SLF1: variants seen among roughly 807,000 people sequenced by gnomAD.
The protein encoded by SLF1 is SMC5/6 complex localization factor 1.
In SLF1, 105 loss-of-function variants were observed where a neutral mutation model predicts 123.0. The observed-to-expected ratio is 0.85, with a 90% CI of 0.73 to 1.00. The LOEUF (loss-of-function observed/expected upper bound fraction) is 1.00. Among genes scored for constraint, SLF1 ranks in the 50% least tolerant of loss-of-function variants. SLF1 has a pLI of 0.00. For missense variants in SLF1, 1,239 were observed against 1,223.0 expected (o/e 1.01, Z -0.20); for synonymous variants, 434 against 406.6 (o/e 1.07, Z -0.81).
At chr5:94,633,146 C>T (rs933944032) in intron 4 of SLF1, among the ~76,000 whole-genome samples, 1 of 152,016 alleles carries the variant, frequency 6.6e-6, no homozygotes, top group Non-Finnish European at 1.5e-5. Flanking sequence ...TGCCATCACA[C>T]CCGGCTAATT....
rs774967833 is a variant in SLF1 at position 94,630,702 on chromosome 5, C to T, written c.390C>T (p.Val130=). Residue 130 remains valine, a synonymous_variant, in exon 4 of 21, where the codon GTC becomes GTT. Transcript: ENST00000265140. The part of the protein sequence containing the change: ...APGAFHRWKV[V]LLVRTDKRSD... ...GAGCCTTCCACAGATGGAAAGTTGT[C>T]CTCCTTGTTAGAACTGATAAGCGAA... 6.4e-7 allele frequency: 1 copy of T among 1,551,652 alleles called. No homozygotes were observed. The highest frequency in any genetic ancestry group is 8.7e-7 in the Non-Finnish European group (1 of 1,146,952).
At chr5:94,655,730 T>C (rs552641591) in intron 9 of SLF1, among the ~76,000 whole-genome samples, 1 of 152,242 alleles carries the variant, frequency 6.6e-6, no homozygotes, top group East Asian at 1.9e-4. Flanking sequence ...GGATTGCTTC[T>C]GTGATTGATT....
At chr5:94,648,577 G>A (rs1458710160) in intron 5 of SLF1, among the ~76,000 whole-genome samples, 2 of 152,190 alleles carry the variant, frequency 1.3e-5, no homozygotes, top group Non-Finnish European at 2.9e-5. Flanking sequence ...CGCCTCCCAA[G>A]TTCAAGCAAT....
intron 1 of SLF1, among the ~76,000 whole-genome samples, chr5:94,627,020 C>T (rs1349147055): frequency 6.6e-6 from 1 of 152,140 alleles, no homozygotes; most frequent in Non-Finnish European, 1.5e-5. Context: ...TCAATTTTTA[C>T]TCTTAAATGA....
At chr5:94,643,237 T>G in intron 4 of SLF1, 36 bp from the exon 5 acceptor site, 2 of 1,421,838 alleles carry the variant, frequency 1.4e-6, no homozygotes, top group Non-Finnish European at 1.9e-6. Flanking sequence ...AACTCAAATT[T>G]TCTAATACTT....
chr5:94,680,467 A>G (rs1751638102), intron 15 of SLF1, among the ~76,000 whole-genome samples: 1 of 151,998 alleles, frequency 6.6e-6, no homozygotes, highest in African/African-American at 2.4e-5. Context: ...AGTGGTTTTT[A>G]TCCTTTTCAG....
At chr5:94,663,058 T>A (rs1315619928) in intron 10 of SLF1, among the ~76,000 whole-genome samples, 1 of 152,228 alleles carries the variant, frequency 6.6e-6, no homozygotes, top group Non-Finnish European at 1.5e-5. Flanking sequence ...TTAACATTTT[T>A]AAGATATTTT....
chr5:94,663,149 C>T (rs1323468603), intron 10 of SLF1, among the ~76,000 whole-genome samples: 1 of 152,156 alleles, frequency 6.6e-6, no homozygotes, highest in Non-Finnish European at 1.5e-5. Flanking sequence ...AGCTCTTTCT[C>T]TTTTTTATCA....
intron 16 of SLF1, 52 bp downstream of exon 16, chr5:94,686,770 A>C: frequency 6.6e-7 from 1 of 1,525,654 alleles, no homozygotes; most frequent in Non-Finnish European, 8.9e-7. Flanking sequence ...TGAGTTCACA[A>C]ACTCAATTTT....
At chr5:94,644,917 A>G (rs1746845364) in intron 5 of SLF1, among the ~76,000 whole-genome samples, 1 of 152,196 alleles carries the variant, frequency 6.6e-6, no homozygotes, top group Non-Finnish European at 1.5e-5. Context: ...TTCTCAATCA[A>G]TATTTGTTAA....
intron 9 of SLF1, among the ~76,000 whole-genome samples, chr5:94,659,854 G>A (rs1364393107): frequency 1.3e-5 from 2 of 152,140 alleles, no homozygotes; most frequent in Non-Finnish European, 2.9e-5. Context: ...GGATGAGTGG[G>A]TCCTCAGGTC....
chr5:94,650,082 T>C (rs747540719), intron 6 of SLF1, among the ~76,000 whole-genome samples: 18 of 152,080 alleles, frequency 1.2e-4, no homozygotes, highest in Non-Finnish European at 1.3e-4. Flanking sequence ...AGAAAGCACA[T>C]ATGGTATGGT....
rs1341708053 is a variant in SLF1, at chr5:94,670,417, A to G, written c.1661+138A>G. ...TTTAAGATAGATTTGTTTTTAAAAC[A>G]TATTTCCAGATATTCTCAGTGGGAG... On this transcript the variant is annotated intron_variant, in intron 13 of 20. Coordinates refer to ENST00000265140, the MANE Select transcript of SLF1 (RefSeq NM_032290.4). 3 of 811,778 alleles carry G rather than the reference A, an allele frequency of 3.7e-6. No homozygotes were observed. In the African/African-American group the frequency reaches 5.5e-5, roughly 15 times the overall value. The allele number at this position is 811,778 out of a possible 1,614,324, so 50.3% of individuals were successfully genotyped here.
At chr5:94,646,256 T>G (rs961328332) in intron 5 of SLF1, among the ~76,000 whole-genome samples, 1 of 152,158 alleles carries the variant, frequency 6.6e-6, no homozygotes, top group Non-Finnish European at 1.5e-5. Flanking sequence ...CCCCTTTTTT[T>G]TAAGGTAACA....
intron 19 of SLF1, 146 bp downstream of exon 19, chr5:94,691,802 A>T (rs1753077495): frequency 2.9e-6 from 2 of 692,898 alleles, no homozygotes; most frequent in Non-Finnish European, 4.4e-6. Context: ...AAAGCCAAGA[A>T]ATTTCTCATA....
intron 9 of SLF1, among the ~76,000 whole-genome samples, chr5:94,660,403 A>G (rs748344852): frequency 1.4e-4 from 21 of 152,162 alleles, no homozygotes; most frequent in Admixed American, 1.3e-4. Context: ...TGATGGTTGC[A>G]CAGGCACCAG....
At position 94,663,826 on chromosome 5, in the gene SLF1, C is replaced by G; in HGVS notation, c.1286C>G (p.Ala429Gly). The G allele has an allele frequency of 6.4e-7, 1 of 1,550,582 alleles. No homozygotes were observed. Among genetic ancestry groups the G allele is most frequent in the South Asian group, 1.2e-5 (1 of 83,772 alleles). Reference protein sequence around the residue: ...SLIEGHFFKEAIEELSTLQAH... With the variant: ...SLIEGHFFKEGIEELSTLQAH... ...ATAGAAGGACATTTTTTTAAAGAAGCAATTGAGGAACTTTCCACTTTGCAG... is the reference window on the plus strand; with the variant it reads ...ATAGAAGGACATTTTTTTAAAGAAGGAATTGAGGAACTTTCCACTTTGCAG... The change falls in exon 11 of 21, where the codon GCA becomes GGA. Residue 429 changes from alanine (A) to glycine (G), a missense_variant. Coordinates refer to ENST00000265140, the MANE Select transcript of SLF1 (RefSeq NM_032290.4).
At chr5:94,659,958 G>GA (rs1748881575) in intron 9 of SLF1, among the ~76,000 whole-genome samples, 1 of 152,186 alleles carries the variant, frequency 6.6e-6, no homozygotes, top group African/African-American at 2.4e-5. Context: ...AGCAGTGGTG[G>GA]AAATAGGCTG....
At position 94,654,680 on chromosome 5, in the gene SLF1, C is replaced by CAT. The variant is rs1256055606; in HGVS notation, c.1084_1085dup (p.Met362IlefsTer13). 1 of 1,544,952 alleles carries CAT rather than the reference C, an allele frequency of 6.5e-7. No homozygotes were observed. Among genetic ancestry groups the CAT allele is most frequent in the Admixed American group, 2.0e-5 (1 of 50,472 alleles). On this transcript the variant is annotated frameshift_variant, in exon 9 of 21. Transcript: ENST00000265140. LOFTEE classifies it high-confidence loss of function. The stretch of plus-strand genomic sequence containing the variant: ...CTGAATATGCCAAAGAATCAAAAGC[C>CAT]ATGGCTATTAAGACAGATGTGGATG...
Sources: gnomAD v4.1 joint callset for allele counts (sites outside exome capture counted in the v4.1 genomes callset) on GRCh38, gnomAD v4.1.1 for gene constraint, MANE v1.5 for transcripts, NCBI Gene and HGNC (gene_info 2026-07-23, HGNC 2026-07-21) for gene names.